Variants in RNF115 observed in about 807,000 individuals in gnomAD.
RNF115 encodes ring finger protein 115.
In RNF115, 31 loss-of-function variants were observed where a neutral mutation model predicts 39.2. The ratio of observed to expected loss-of-function variants is 0.79; its 90% CI spans 0.59 to 1.07. The LOEUF (loss-of-function observed/expected upper bound fraction) is 1.07. Among genes scored for constraint, RNF115 ranks in the 50% least tolerant of loss-of-function variants. The pLI, the probability that RNF115 is intolerant of heterozygous loss-of-function variation, is 0.00. For missense variants in RNF115, 384 were observed against 381.7 expected (o/e 1.01, Z -0.05); for synonymous variants, 124 against 131.0 (o/e 0.95, Z 0.37).
At chr1:145,811,770 C>T (rs1649713813) in intron 1 of RNF115, among the ~76,000 whole-genome samples, 1 of 87,524 alleles carries the variant, frequency 1.1e-5, no homozygotes, top group South Asian at 4.2e-4. Flanking sequence ...GTAATCTCAG[C>T]TACTTGGAAG....
chr1:145,767,173 G>A (rs1352282759), intron 4 of RNF115, among the ~76,000 whole-genome samples: 17 of 147,090 alleles, frequency 1.2e-4, no homozygotes, highest in African/African-American at 4.3e-4. Flanking sequence ...CTCACCTCCC[G>A]GACGGGGTGG....
At chr1:145,779,485 A>G (rs373633412) in intron 3 of RNF115, among the ~76,000 whole-genome samples, 3 of 152,070 alleles carry the variant, frequency 2.0e-5, no homozygotes, top group African/African-American at 4.8e-5. Context: ...TATAATTCTA[A>G]TAACTATAGA....
chr1:145,788,645 G>A, intron 2 of RNF115: 1 of 594,862 alleles, frequency 1.7e-6, no homozygotes, highest in South Asian at 1.5e-5. Context: ...AGATGTACAT[G>A]GAATGCCACA....
At chr1:145,792,493 T>A (rs1553719135) in intron 1 of RNF115, among the ~76,000 whole-genome samples, 1 of 152,054 alleles carries the variant, frequency 6.6e-6, no homozygotes, top group Non-Finnish European at 1.5e-5. Context: ...CTCAAGTGCT[T>A]TTTTAAAAGA....
At chr1:145,793,386 T>A (rs1571761798) in intron 1 of RNF115, among the ~76,000 whole-genome samples, 1 of 152,286 alleles carries the variant, frequency 6.6e-6, no homozygotes, top group East Asian at 1.9e-4. Context: ...TGAGACTGAT[T>A]TTGGAAAGCT....
chr1:145,805,954 T>C (rs1180056626), intron 1 of RNF115, among the ~76,000 whole-genome samples: 1 of 152,180 alleles, frequency 6.6e-6, no homozygotes, highest in African/African-American at 2.4e-5. Flanking sequence ...TGAGGGCTAG[T>C]TGTTAGTTCT....
chr1:145,759,617 GT>G (rs1291268644), intron 4 of RNF115, among the ~76,000 whole-genome samples: 1 of 152,112 alleles, frequency 6.6e-6, no homozygotes, highest in Non-Finnish European at 1.5e-5. Flanking sequence ...CTCTTAAATG[GT>G]TTCTCTGCTG....
intron 2 of RNF115, among the ~76,000 whole-genome samples, chr1:145,786,507 T>C (rs1553718121): frequency 6.6e-6 from 1 of 152,180 alleles, no homozygotes; most frequent in African/African-American, 2.4e-5. Context: ...AGCACCTATA[T>C]AAGACAACCT....
At chr1:145,796,174 C>T (rs1426388194) in intron 1 of RNF115, among the ~76,000 whole-genome samples, 1 of 152,188 alleles carries the variant, frequency 6.6e-6, no homozygotes, top group Non-Finnish European at 1.5e-5. Flanking sequence ...TACCACTTTT[C>T]TTCTGGATTC....
intron 1 of RNF115, among the ~76,000 whole-genome samples, chr1:145,811,971 G>T (rs1649746580): frequency 7.5e-6 from 1 of 132,624 alleles, no homozygotes; most frequent in Non-Finnish European, 1.6e-5. Context: ...TGTATTACCT[G>T]TGGATTTCAT....
chr1:145,754,598 A>G (rs1658228472), intron 4 of RNF115, among the ~76,000 whole-genome samples: 2 of 152,154 alleles, frequency 1.3e-5, no homozygotes. Context: ...TGGCCTCCCA[A>G]AGTGCTGGGA....
chr1:145,771,831 T>C lies in RNF115; in HGVS notation c.308A>G (p.Asn103Ser), dbSNP rs1003871911. The C allele has an allele frequency of 6.2e-7, 1 of 1,614,146 alleles. No homozygotes were observed. The highest frequency in any genetic ancestry group is 8.5e-7 in the Non-Finnish European group (1 of 1,179,982). ...AGTGTGAGTCTGGTGACCCCTTTCATTGGCTCTATTATCTTGGTCCAGTGG... is the reference window on the plus strand; with the variant it reads ...AGTGTGAGTCTGGTGACCCCTTTCACTGGCTCTATTATCTTGGTCCAGTGG... ...SSPLDQDNRA[N>S]ERGHQTHTDF... Residue 103 changes from asparagine (N) to serine (S), a missense_variant, in exon 4 of 9, where the codon AAT becomes AGT. Coordinates refer to ENST00000582693, the MANE Select transcript of RNF115 (RefSeq NM_014455.4).
At chr1:145,790,877 CACGCCTGCA>C (rs1206710329) in intron 1 of RNF115, among the ~76,000 whole-genome samples, 2 of 152,030 alleles carry the variant, frequency 1.3e-5, no homozygotes, top group Admixed American at 6.5e-5. Flanking sequence ...CGCGGTGGCT[CACGCCTGCA>C]ATCCTAACAC....
chr1:145,780,910 G>T (rs1404949660), intron 3 of RNF115, among the ~76,000 whole-genome samples: 1 of 152,098 alleles, frequency 6.6e-6, no homozygotes, highest in Non-Finnish European at 1.5e-5. Context: ...CTGGCACCAG[G>T]TCGTGGTCAG....
chr1:145,780,487 G>A (rs587650258), intron 3 of RNF115, among the ~76,000 whole-genome samples: 1 of 151,614 alleles, frequency 6.6e-6, no homozygotes, highest in Non-Finnish European at 1.5e-5. Context: ...AGGCGTGGTG[G>A]CACGCGCCTG....
At chr1:145,748,785 T>TGAGGCA (rs1385092270) in intron 7 of RNF115, among the ~76,000 whole-genome samples, 1 of 151,504 alleles carries the variant, frequency 6.6e-6, no homozygotes, top group East Asian at 1.9e-4. Flanking sequence ...CTCAGGAGGC[T>TGAGGCA]GAGGCAGAGA....
At chr1:145,795,029 A>AG (rs1470929984) in intron 1 of RNF115, among the ~76,000 whole-genome samples, 1 of 151,266 alleles carries the variant, frequency 6.6e-6, no homozygotes, top group Non-Finnish European at 1.5e-5. Flanking sequence ...AAAAAAAAAA[A>AG]AAAAAAAAGA....
At chr1:145,765,422 AAAAAAAAATT>A (rs1658732252) in intron 4 of RNF115, among the ~76,000 whole-genome samples, 1 of 152,064 alleles carries the variant, frequency 6.6e-6, no homozygotes, top group Non-Finnish European at 1.5e-5. Flanking sequence ...TCAATAAAAA[AAAAAAAAATT>A]AAAAAAAAAT....
chr1:145,747,094 T>C, intron 8 of RNF115, 97 bp from the exon 9 acceptor site: 1 of 1,271,284 alleles, frequency 7.9e-7, no homozygotes, highest in South Asian at 1.5e-5. Flanking sequence ...ACATCAAAAA[T>C]TATGACATGG....
Sources: gnomAD v4.1 joint callset for allele counts (sites outside exome capture counted in the v4.1 genomes callset) on GRCh38, gnomAD v4.1.1 for gene constraint, MANE v1.5 for transcripts, NCBI Gene and HGNC (gene_info 2026-07-23, HGNC 2026-07-21) for gene names.